The following ZNF385B variants were observed in gnomAD, a reference collection of about 807,000 sequenced individuals.
The protein encoded by ZNF385B is zinc finger protein 533.
A neutral mutation model predicts 39.2 loss-of-function variants in ZNF385B; 23 were observed. The observed-to-expected ratio is 0.59, with a 90% CI of 0.42 to 0.83. The LOEUF (loss-of-function observed/expected upper bound fraction) is 0.83, where lower values mean the gene tolerates loss of function less well. Among genes scored for constraint, ZNF385B ranks in the 40% least tolerant of loss-of-function variants. The pLI is 0.00. For synonymous variants in ZNF385B, 205 were observed against 222.6 expected (o/e 0.92, Z 0.70); for missense variants, 552 against 598.9 (o/e 0.92, Z 0.82).
intron 3 of ZNF385B, among the ~76,000 whole-genome samples, chr2:179,656,649 A>G (rs17821260): frequency 0.37 from 56,608 of 152,012 alleles, 11,231 homozygotes; most frequent in East Asian, 0.58. Context: ...CCTCATCTAC[A>G]GCAGTGTTTC....
At chr2:179,713,101 G>A (rs1036512719) in intron 3 of ZNF385B, among the ~76,000 whole-genome samples, 3 of 152,114 alleles carry the variant, frequency 2.0e-5, no homozygotes, top group Non-Finnish European at 2.9e-5. Context: ...AGTGTTCTGC[G>A]CATATTTAAG....
intron 3 of ZNF385B, chr2:179,745,752 C>A: frequency 2.6e-6 from 4 of 1,540,970 alleles, no homozygotes; most frequent in Non-Finnish European, 3.5e-6. Context: ...GCAGGGCTCT[C>A]ACCAGCTTCA....
chr2:179,496,281 A>C (rs913312319), intron 5 of ZNF385B, among the ~76,000 whole-genome samples: 1 of 152,128 alleles, frequency 6.6e-6, no homozygotes, highest in Non-Finnish European at 1.5e-5. Flanking sequence ...TTGAAAATAC[A>C]TGGAGAGAGG....
At chr2:179,709,806 TAGA>T (rs1699872082) in intron 3 of ZNF385B, among the ~76,000 whole-genome samples, 1 of 152,162 alleles carries the variant, frequency 6.6e-6, no homozygotes, top group Non-Finnish European at 1.5e-5. Context: ...GGAGACTACC[TAGA>T]ACCTTTGCCT....
At chr2:179,570,158 G>A (rs1008099325) in intron 3 of ZNF385B, among the ~76,000 whole-genome samples, 3 of 152,078 alleles carry the variant, frequency 2.0e-5, no homozygotes, top group Non-Finnish European at 4.4e-5. Flanking sequence ...CCAGCCAAGA[G>A]AGTCCATCAT....
intron 9 of ZNF385B, 29 bp downstream of exon 9, chr2:179,444,847 A>G: frequency 1.3e-6 from 2 of 1,593,964 alleles, no homozygotes; most frequent in East Asian, 4.5e-5. Context: ...CTGCCCCACA[A>G]AACAGGTGAG....
chr2:179,757,518 G>T lies in ZNF385B; in HGVS notation c.298+11985C>A, dbSNP rs1010465496. On this transcript the variant is annotated intron_variant, in intron 3 of 9. Coordinates refer to ENST00000410066, the MANE Select transcript of ZNF385B (RefSeq NM_152520.6). The stretch of plus-strand genomic sequence containing the variant: ...AGACAGGGACATTTAAGTCTGCAGA[G>T]GTTTCTGCTGCCTTTTGTTTGGCTA... 3.3e-5 allele frequency among the ~76,000 whole-genome samples: 5 copies of T among 152,170 alleles called. No homozygotes were observed. In the East Asian group the frequency reaches 9.7e-4, roughly 29 times the overall value.
intron 3 of ZNF385B, among the ~76,000 whole-genome samples, chr2:179,737,899 C>T (rs1701864916): frequency 6.6e-6 from 1 of 152,178 alleles, no homozygotes; most frequent in South Asian, 2.1e-4. Context: ...TCCATAACTC[C>T]ACTACTCCAC....
intron 3 of ZNF385B, among the ~76,000 whole-genome samples, chr2:179,613,054 A>C (rs1287060985): frequency 1.3e-5 from 2 of 152,174 alleles, no homozygotes; most frequent in Non-Finnish European, 2.9e-5. Flanking sequence ...GGCTACTGCC[A>C]ATGTTCACTC....
intron 3 of ZNF385B, among the ~76,000 whole-genome samples, chr2:179,749,903 A>G (rs940822657): frequency 1.3e-5 from 2 of 152,148 alleles, no homozygotes; most frequent in Non-Finnish European, 2.9e-5. Flanking sequence ...GTAAAAGTTT[A>G]TATTCAGAAG....
At chr2:179,801,125 T>C (rs1423519310) in intron 1 of ZNF385B, among the ~76,000 whole-genome samples, 1 of 152,078 alleles carries the variant, frequency 6.6e-6, no homozygotes, top group East Asian at 1.9e-4. Context: ...TTGTGTTTAT[T>C]ACCTAATCTC....
chr2:179,734,089 CTTA>C (rs1370870888), intron 3 of ZNF385B, among the ~76,000 whole-genome samples: 1 of 152,100 alleles, frequency 6.6e-6, no homozygotes, highest in Admixed American at 6.6e-5. Context: ...ACAGACATAT[CTTA>C]TTATTTTAAA....
chr2:179,647,789 G>A (rs1048622059), intron 3 of ZNF385B, among the ~76,000 whole-genome samples: 11 of 152,152 alleles, frequency 7.2e-5, no homozygotes, highest in African/African-American at 1.9e-4. Flanking sequence ...AGAGAGATGA[G>A]GTGGTCTAAG....
chr2:179,475,584 G>C (rs1016928371), intron 6 of ZNF385B, among the ~76,000 whole-genome samples: 2 of 151,606 alleles, frequency 1.3e-5, no homozygotes, highest in African/African-American at 4.8e-5. Context: ...CTGGTCTATA[G>C]AAATGAGAGC....
intron 6 of ZNF385B, among the ~76,000 whole-genome samples, chr2:179,481,838 G>A (rs1328662954): frequency 6.6e-6 from 1 of 152,118 alleles, no homozygotes; most frequent in East Asian, 1.9e-4. Context: ...GTAGCCTCCA[G>A]CAAATAACTG....
chr2:179,639,717 A>G (rs1401471755), intron 3 of ZNF385B, among the ~76,000 whole-genome samples: 1 of 152,208 alleles, frequency 6.6e-6, no homozygotes, highest in Non-Finnish European at 1.5e-5. Flanking sequence ...TTTCACTATC[A>G]CATAGTAATA....
chr2:179,590,740 C>T (rs1444206219), intron 3 of ZNF385B, among the ~76,000 whole-genome samples: 1 of 152,016 alleles, frequency 6.6e-6, no homozygotes, highest in African/African-American at 2.4e-5. Context: ...AGGGAGTTCT[C>T]AGGAGATCTG....
At chr2:179,531,433 T>C (rs2203739) in intron 4 of ZNF385B, among the ~76,000 whole-genome samples, 116,649 of 151,906 alleles carry the variant, frequency 0.77, 48,216 homozygotes, top group Non-Finnish European at 0.93. Flanking sequence ...GTCAGGAGTT[T>C]GAGATCAGCC....
chr2:179,770,381 G>A (rs1319787684), intron 2 of ZNF385B, 140 bp downstream of exon 2: 1 of 152,952 alleles, frequency 6.5e-6, no homozygotes, highest in African/African-American at 2.4e-5. Context: ...ATGATGTCAT[G>A]AATCTGGAAT....
Sources: gnomAD v4.1 joint callset for allele counts (sites outside exome capture counted in the v4.1 genomes callset) on GRCh38, gnomAD v4.1.1 for gene constraint, MANE v1.5 for transcripts, NCBI Gene and HGNC (gene_info 2026-07-23, HGNC 2026-07-21) for gene names.